Variants in ARAP2 observed in about 807,000 individuals in gnomAD.
ARAP2 encodes the protein ArfGAP with RhoGAP domain, ankyrin repeat and PH domain 2.
Under a neutral mutation model 194.5 loss-of-function variants are expected in ARAP2, and 148 were observed. That is an observed-to-expected ratio of 0.76 (90% CI 0.67 to 0.87). The LOEUF (loss-of-function observed/expected upper bound fraction) is 0.87, where lower values mean the gene tolerates loss of function less well. ARAP2 is among the 40% of genes least tolerant of loss of function. ARAP2 has a pLI of 0.00. For missense variants in ARAP2, 2,128 were observed against 1,989.7 expected, an observed-to-expected ratio of 1.07 and a Z score of -1.32; for synonymous variants, 695 against 683.5, an observed-to-expected ratio of 1.02 and a Z score of -0.26.
At chr4:36,189,684 A>T (rs1385090546) in intron 7 of ARAP2, among the ~76,000 whole-genome samples, 1 of 152,124 alleles carries the variant, frequency 6.6e-6, no homozygotes, top group Non-Finnish European at 1.5e-5. Flanking sequence ...TTCCTGCCGT[A>T]TTTCACTTAA....
chr4:36,159,998 G>A (rs1341104109), intron 13 of ARAP2: 1 of 799,706 alleles, frequency 1.3e-6, no homozygotes, highest in South Asian at 5.7e-5. Context: ...AGGGGCCGAG[G>A]ATAGGAAGGA....
At chr4:36,080,148 C>T in intron 31 of ARAP2, 68 bp downstream of exon 31, 3 of 1,295,814 alleles carry the variant, frequency 2.3e-6, no homozygotes, top group African/African-American at 1.5e-5. Flanking sequence ...TAGAAATCAC[C>T]ATCACACTAA....
chr4:36,095,685 G>A (rs1714973308), intron 27 of ARAP2, among the ~76,000 whole-genome samples: 1 of 152,116 alleles, frequency 6.6e-6, no homozygotes, highest in Non-Finnish European at 1.5e-5. Context: ...AAAACATTTT[G>A]TGAGAACATC....
intron 22 of ARAP2, among the ~76,000 whole-genome samples, chr4:36,123,263 C>A (rs1328758893): frequency 6.6e-6 from 1 of 151,678 alleles, no homozygotes; most frequent in Non-Finnish European, 1.5e-5. Context: ...ATGATAAACA[C>A]CTGGCGAATG....
At chr4:36,028,257 T>C (rs1718272082) in intron 5 of ARAP2, among the ~76,000 whole-genome samples, 1 of 152,142 alleles carries the variant, frequency 6.6e-6, no homozygotes, top group Admixed American at 6.6e-5. Context: ...GTATGTAGCG[T>C]TATAATTATG....
chr4:36,214,411 CAT>C lies in ARAP2; in HGVS notation c.964+9_964+10del. 1 of 1,592,242 alleles carries C rather than the reference CAT, an allele frequency of 6.3e-7. No homozygotes were observed. The highest frequency in any genetic ancestry group is 8.6e-7 in the Non-Finnish European group (1 of 1,166,600). ...CTCTAATTTAAGGAGACATTAAACA[CAT>C]AGACTCACTTTGCCATGCCACAGAT... On this transcript the variant is annotated intron_variant, in intron 3 of 32. Coordinates refer to ENST00000303965, the MANE Select transcript of ARAP2 (RefSeq NM_015230.4).
At chr4:36,203,137 A>AT (rs1418544242) in intron 6 of ARAP2, among the ~76,000 whole-genome samples, 1 of 152,212 alleles carries the variant, frequency 6.6e-6, no homozygotes, top group African/African-American at 2.4e-5. Context: ...TTCACTCAAC[A>AT]TAATAGTCTA....
At chr4:36,053,102 G>C (rs1303288837) in intron 2 of ARAP2, among the ~76,000 whole-genome samples, 1 of 151,928 alleles carries the variant, frequency 6.6e-6, no homozygotes, top group East Asian at 1.9e-4. Flanking sequence ...CCGCCTCCCG[G>C]GTTCAAGCGA....
chr4:36,157,091 A>G (rs898702777), intron 15 of ARAP2, among the ~76,000 whole-genome samples: 1 of 152,188 alleles, frequency 6.6e-6, no homozygotes, highest in Non-Finnish European at 1.5e-5. Context: ...GCCAAAAAAT[A>G]AAATAAAGCT....
chr4:36,107,453 T>G, intron 27 of ARAP2, 112 bp downstream of exon 27: 2 of 1,112,428 alleles, frequency 1.8e-6, no homozygotes, highest in South Asian at 3.9e-5. Context: ...CAGTTCATTC[T>G]GTATCTAGCT....
At chr4:36,150,127 A>G (rs1730613584) in intron 16 of ARAP2, among the ~76,000 whole-genome samples, 1 of 152,204 alleles carries the variant, frequency 6.6e-6, no homozygotes, top group Admixed American at 6.5e-5. Flanking sequence ...TTTTCTGACC[A>G]TTAAATTAAC....
rs545737521 is a variant in ARAP2, at chr4:36,117,141, A to G, written c.3964-6T>C. The G allele has an allele frequency of 2.1e-5, 33 of 1,591,086 alleles. 1 individual carries two copies. The South Asian group carries it at 3.5e-4, about 17-fold the overall frequency. ...AAATCTCCAGCCTGGGAAACCTAGA[A>G]AAGGGCAGAGGTAGAAACAACACAG... On this transcript the variant is annotated splice_polypyrimidine_tract_variant and splice_region_variant and intron_variant, in intron 24 of 32. Transcript: ENST00000303965.
chr4:36,097,933 T>A (rs973911823), intron 27 of ARAP2, among the ~76,000 whole-genome samples: 2 of 152,058 alleles, frequency 1.3e-5, no homozygotes, highest in East Asian at 3.9e-4. Context: ...TATCAACTTG[T>A]TATTAATTTA....
At chr4:36,102,717 G>T (rs1413053478) in intron 27 of ARAP2, among the ~76,000 whole-genome samples, 7 of 151,852 alleles carry the variant, frequency 4.6e-5, no homozygotes, top group Admixed American at 1.3e-4. Flanking sequence ...TTCAACAGTT[G>T]TCATACATTT....
At chr4:36,037,508 G>A (rs941418074) in intron 5 of ARAP2, among the ~76,000 whole-genome samples, 2 of 152,084 alleles carry the variant, frequency 1.3e-5, no homozygotes, top group African/African-American at 4.8e-5. Context: ...GCATAGAATG[G>A]GGGCAAGGGG....
intron 7 of ARAP2, among the ~76,000 whole-genome samples, chr4:36,192,950 C>T (rs188321737): frequency 7.4e-4 from 112 of 152,252 alleles, no homozygotes; most frequent in African/African-American, 2.5e-3. Flanking sequence ...GAGCCAAGAT[C>T]CTGCCACTAT....
intron 5 of ARAP2, among the ~76,000 whole-genome samples, chr4:36,032,237 C>G: frequency 6.6e-6 from 1 of 151,980 alleles, no homozygotes; most frequent in East Asian, 1.9e-4. Flanking sequence ...ACATAGACAC[C>G]AAAGGTAGGA....
chr4:36,134,881 G>C (rs1303209155), intron 19 of ARAP2, among the ~76,000 whole-genome samples: 1 of 151,598 alleles, frequency 6.6e-6, no homozygotes, highest in Non-Finnish European at 1.5e-5. Flanking sequence ...CTTATGCTTA[G>C]TATGTCACAG....
rs184797531 is a variant in ARAP2, at chr4:36,228,364, A to T, written c.905+218T>A. Among the ~76,000 whole-genome samples, 71 of 152,312 alleles carry T rather than the reference A, an allele frequency of 4.7e-4. No homozygotes were observed. In the East Asian group the frequency reaches 0.013, roughly 29 times the overall value. ...AGGGAAGGGATGTCCCCCCGCTTAA[A>T]TAGGGAAAAGCTAAAGAGTCCCAGG... On this transcript the variant is annotated intron_variant, in intron 2 of 32. Coordinates refer to ENST00000303965, the MANE Select transcript of ARAP2 (RefSeq NM_015230.4).
Sources: allele counts gnomAD v4.1 joint callset (sites outside exome capture counted in the v4.1 genomes callset), GRCh38; gene constraint gnomAD v4.1.1; transcripts MANE v1.5; gene names NCBI Gene and HGNC (gene_info 2026-07-23, HGNC 2026-07-21).